Variants in NTRK3 observed in about 807,000 individuals in gnomAD.
The protein encoded by NTRK3 is neurotrophic receptor tyrosine kinase 3.
A neutral mutation model predicts 91.7 loss-of-function variants in NTRK3; 24 were observed. The observed-to-expected ratio is 0.26, with a 90% confidence interval of 0.19 to 0.37. NTRK3 has a LOEUF of 0.37. NTRK3 is among the 10% of genes least tolerant of loss of function. NTRK3 has a pLI of 1.00. For synonymous variants in NTRK3, 483 were observed against 404.0 expected (o/e 1.20, Z -2.34); for missense variants, 880 against 1,068.9 (o/e 0.82, Z 2.46).
At chr15:88,166,531 A>AG (rs1276317617) in intron 5 of NTRK3, among the ~76,000 whole-genome samples, 1 of 152,148 alleles carries the variant, frequency 6.6e-6, no homozygotes, top group African/African-American at 2.4e-5. Flanking sequence ...GAGGAAAGGG[A>AG]GGGCTCCCTG....
chr15:88,009,761 C>T (rs1291232913), intron 14 of NTRK3, among the ~76,000 whole-genome samples: 1 of 152,134 alleles, frequency 6.6e-6, no homozygotes, highest in Non-Finnish European at 1.5e-5. Context: ...GGAGTTGAAA[C>T]TCAAATCCAG....
chr15:88,242,221 G>C (rs1192987796), intron 3 of NTRK3, among the ~76,000 whole-genome samples: 3 of 152,174 alleles, frequency 2.0e-5, no homozygotes, highest in African/African-American at 7.2e-5. Context: ...CACAGGCAGA[G>C]TGACAGGGAA....
chr15:87,979,361 C>A, intron 14 of NTRK3: 1 of 1,613,150 alleles, frequency 6.2e-7, no homozygotes, highest in Non-Finnish European at 8.5e-7. Flanking sequence ...GCCATGACGT[C>A]CTTTGCTGAA....
intron 13 of NTRK3, among the ~76,000 whole-genome samples, chr15:88,039,320 G>C (rs895952421): frequency 6.6e-6 from 1 of 152,198 alleles, no homozygotes; most frequent in Non-Finnish European, 1.5e-5. Context: ...GCTTTGGAGA[G>C]AGACCCTCAA....
At chr15:87,897,739 C>T (rs945378388) in intron 17 of NTRK3, among the ~76,000 whole-genome samples, 1 of 152,008 alleles carries the variant, frequency 6.6e-6, no homozygotes, top group Non-Finnish European at 1.5e-5. Flanking sequence ...ACTTATTTAG[C>T]CAAAATAAGA....
chr15:88,149,337 G>T lies in NTRK3; in HGVS notation c.396-1934C>A, dbSNP rs146894339. Among the ~76,000 whole-genome samples, 976 of 152,242 alleles carry T rather than the reference G, an allele frequency of 6.4e-3. 12 individuals are homozygous for T. The highest frequency in any genetic ancestry group is 0.022 in the African/African-American group (934 of 41,538). ...GGGTGCAGGGTACTGGAGGAGAAGG[G>T]AAAGAAACATAGGTAGATGTCTCCC... On this transcript the variant is annotated intron_variant, in intron 5 of 18. Coordinates refer to ENST00000394480, the Ensembl canonical transcript of NTRK3.
intron 13 of NTRK3, among the ~76,000 whole-genome samples, chr15:88,058,341 A>G (rs1220086696): frequency 6.6e-6 from 1 of 152,210 alleles, no homozygotes; most frequent in Non-Finnish European, 1.5e-5. Flanking sequence ...ATCAAATGGT[A>G]ATGATATGAT....
At chr15:87,951,860 C>T (rs2071137258) in intron 14 of NTRK3, among the ~76,000 whole-genome samples, 1 of 152,312 alleles carries the variant, frequency 6.6e-6, no homozygotes, top group East Asian at 1.9e-4. Context: ...GGTGTGGTGG[C>T]TCACACCTGT....
intron 14 of NTRK3, among the ~76,000 whole-genome samples, chr15:87,941,334 G>A (rs1035625764): frequency 9.2e-5 from 14 of 152,160 alleles, no homozygotes; most frequent in Non-Finnish European, 1.8e-4. Context: ...TCTGTAAAAT[G>A]GGATTAACAA....
intron 13 of NTRK3, among the ~76,000 whole-genome samples, chr15:88,108,357 C>A (rs1268287615): frequency 2.0e-5 from 3 of 152,204 alleles, no homozygotes; most frequent in Non-Finnish European, 4.4e-5. Context: ...GGACACACAG[C>A]ACAAAAGGAA....
At chr15:88,114,114 C>G (rs1404412289) in intron 13 of NTRK3, among the ~76,000 whole-genome samples, 3 of 152,152 alleles carry the variant, frequency 2.0e-5, no homozygotes, top group African/African-American at 7.2e-5. Context: ...GTCAGCAATC[C>G]TAAGTGACAC....
At chr15:88,154,163 C>T (rs1460683904) in intron 5 of NTRK3, among the ~76,000 whole-genome samples, 1 of 151,094 alleles carries the variant, frequency 6.6e-6, no homozygotes, top group African/African-American at 2.4e-5. Context: ...TAGCAGCCTA[C>T]TGCCCACTTC....
intron 13 of NTRK3, among the ~76,000 whole-genome samples, chr15:88,050,383 C>T (rs539047963): frequency 1.8e-3 from 280 of 152,210 alleles, no homozygotes; most frequent in Non-Finnish European, 3.5e-3. Context: ...CCCATCTTGG[C>T]CTGGGCTCAC....
chr15:88,213,607 A>C (rs1309260776), intron 3 of NTRK3, among the ~76,000 whole-genome samples: 1 of 152,128 alleles, frequency 6.6e-6, no homozygotes, highest in Non-Finnish European at 1.5e-5. Context: ...AATAATCACA[A>C]ACACGCAGTG....
At chr15:88,089,439 A>G (rs2048808494) in intron 13 of NTRK3, among the ~76,000 whole-genome samples, 1 of 152,244 alleles carries the variant, frequency 6.6e-6, no homozygotes, top group Non-Finnish European at 1.5e-5. Flanking sequence ...AACTGGGAAT[A>G]AGTAAAATGT....
chr15:88,055,449 T>A (rs950176852), intron 13 of NTRK3, among the ~76,000 whole-genome samples: 1 of 152,212 alleles, frequency 6.6e-6, no homozygotes, highest in African/African-American at 2.4e-5. Context: ...ACATATTTCC[T>A]GGAAATATGA....
In NTRK3 at chr15:88,237,356, T is replaced by G. The variant is rs911451537; in HGVS notation, c.248+18550A>C. Among the ~76,000 whole-genome samples, 5 of 152,216 alleles carry G rather than the reference T, an allele frequency of 3.3e-5. No homozygotes were observed. The highest frequency in any genetic ancestry group is 7.2e-5 in the African/African-American group (3 of 41,460). On this transcript the variant is annotated intron_variant, in intron 3 of 18. Transcript: ENST00000394480. This position sits in a 1 kb window ranked among gnomAD's most constrained non-coding sequence, Gnocchi z 4.0. ...AAAACAATTCCATAGCCCTATTTTG[T>G]GACCCATTGTTTTGGGAAGTTCTTT...
At chr15:87,876,909 T>A (rs113691188) in exon 19 of NTRK3, 1 of 1,612,430 alleles carries the variant, frequency 6.2e-7, no homozygotes, top group Non-Finnish European at 8.5e-7. Context: ...GGCAACAGAG[T>A]ATGAATTCAT....
At chr15:88,017,696 G>T (rs2077334943) in intron 14 of NTRK3, among the ~76,000 whole-genome samples, 1 of 152,146 alleles carries the variant, frequency 6.6e-6, no homozygotes, top group Non-Finnish European at 1.5e-5. Context: ...GGGGAGAGGG[G>T]TCACCCAGAG....
Sources: allele counts gnomAD v4.1 joint callset (sites outside exome capture counted in the v4.1 genomes callset), GRCh38; gene constraint gnomAD v4.1.1; non-coding constraint Gnocchi (gnomAD v3.1); transcripts MANE v1.5; gene names NCBI Gene and HGNC (gene_info 2026-07-23, HGNC 2026-07-21).